G2E3: variants seen among roughly 807,000 people sequenced by gnomAD.
G2E3 encodes the protein G2/M phase-specific E3 ubiquitin-protein ligase.
G2E3 carries 35 observed loss-of-function variants against 92.8 expected under a neutral mutation model. The observed-to-expected ratio is 0.38, with a 90% confidence interval of 0.29 to 0.50. The LOEUF is 0.50. Among genes scored for constraint, G2E3 ranks in the 20% least tolerant of loss-of-function variants. The probability of loss-of-function intolerance (pLI) is 0.94; values close to 1 mark genes in which losing one functional copy is unlikely to be tolerated. For missense variants in G2E3, 554 were observed against 823.8 expected (o/e 0.67, Z 4.01); for synonymous variants, 242 against 272.4 (o/e 0.89, Z 1.10).
At chr14:30,564,757 AT>A (rs1555336537) in intron 1 of G2E3, among the ~76,000 whole-genome samples, 1 of 152,158 alleles carries the variant, frequency 6.6e-6, no homozygotes, top group Non-Finnish European at 1.5e-5. Flanking sequence ...ATTTAATATA[AT>A]GTTTTCAAGG....
intron 2 of G2E3, 98 bp from the exon 3 acceptor site, chr14:30,586,616 CAGAA>C (rs1880725062): frequency 1.6e-5 from 8 of 486,626 alleles, no homozygotes; most frequent in Middle Eastern, 5.6e-4. Flanking sequence ...GATTTGCTCT[CAGAA>C]AGAATTTAAC....
intron 1 of G2E3, among the ~76,000 whole-genome samples, chr14:30,580,250 A>G (rs1324661590): frequency 6.6e-6 from 1 of 152,128 alleles, no homozygotes; most frequent in Non-Finnish European, 1.5e-5. Flanking sequence ...GTTGTTGCCC[A>G]AGCTAGAGTG....
At chr14:30,593,010 A>G (rs1881096959) in intron 5 of G2E3, among the ~76,000 whole-genome samples, 1 of 152,164 alleles carries the variant, frequency 6.6e-6, no homozygotes, top group Admixed American at 6.5e-5. Flanking sequence ...GTTATCATGT[A>G]AGAAAACTAC....
intron 1 of G2E3, among the ~76,000 whole-genome samples, chr14:30,565,006 G>A (rs1309099059): frequency 2.0e-5 from 3 of 152,188 alleles, no homozygotes; most frequent in African/African-American, 7.2e-5. Flanking sequence ...TAGTGGAATT[G>A]CTGGGTGATA....
intron 1 of G2E3, among the ~76,000 whole-genome samples, chr14:30,575,984 C>T (rs1358485318): frequency 6.6e-6 from 1 of 152,162 alleles, no homozygotes; most frequent in African/African-American, 2.4e-5. Flanking sequence ...TGTCAAACTA[C>T]CAACAACATT....
At position 30,566,077 on chromosome 14, in the gene G2E3, G is replaced by C. The variant is rs536301317; in HGVS notation, c.-5+6805G>C. Reference sequence around the variant, plus strand: ...ATTGAAAATTAGTTTACTATAAAACGTGAGTTTATTTATTGACTCTTTCTT... The same window carrying C: ...ATTGAAAATTAGTTTACTATAAAACCTGAGTTTATTTATTGACTCTTTCTT... On this transcript the variant is annotated intron_variant, in intron 1 of 14. Transcript: ENST00000206595. Among the ~76,000 whole-genome samples, 99 of 152,250 alleles carry C rather than the reference G, an allele frequency of 6.5e-4. 1 individual carries two copies. In the Middle Eastern group the frequency reaches 0.014, roughly 21 times the overall value.
intron 1 of G2E3, 170 bp from the exon 2 acceptor site, chr14:30,580,906 T>A: frequency 1.8e-6 from 1 of 567,610 alleles, no homozygotes. Context: ...TCCCGACTCT[T>A]AACACCCCAG....
chr14:30,596,962 A>G (rs185798091), intron 6 of G2E3, among the ~76,000 whole-genome samples: 1 of 152,292 alleles, frequency 6.6e-6, no homozygotes, highest in Non-Finnish European at 1.5e-5. Flanking sequence ...TTGCTATAGC[A>G]ATGAGGATAG....
intron 6 of G2E3, among the ~76,000 whole-genome samples, chr14:30,595,533 A>C (rs1881236841): frequency 6.6e-6 from 1 of 152,240 alleles, no homozygotes; most frequent in African/African-American, 2.4e-5. Flanking sequence ...AAATAATATT[A>C]CTAACAAAAA....
intron 1 of G2E3, among the ~76,000 whole-genome samples, chr14:30,574,842 T>C (rs1287251248): frequency 6.6e-6 from 1 of 152,246 alleles, no homozygotes; most frequent in Non-Finnish European, 1.5e-5. Context: ...GCATTTAGGC[T>C]GATTCCACGT....
chr14:30,591,238 G>T (rs536398613), intron 4 of G2E3, among the ~76,000 whole-genome samples: 1 of 152,250 alleles, frequency 6.6e-6, no homozygotes, highest in Admixed American at 6.5e-5. Flanking sequence ...CCTAGGTGGT[G>T]CTCAAAGGGG....
At chr14:30,584,756 G>GT (rs1244661319) in intron 2 of G2E3, among the ~76,000 whole-genome samples, 5 of 148,464 alleles carry the variant, frequency 3.4e-5, no homozygotes, top group Admixed American at 1.3e-4. Context: ...TGTTATCAGA[G>GT]TTTTTTTAAT....
intron 1 of G2E3, among the ~76,000 whole-genome samples, chr14:30,578,590 G>A (rs558436445): frequency 6.6e-6 from 1 of 152,190 alleles, no homozygotes; most frequent in Non-Finnish European, 1.5e-5. Flanking sequence ...ACTACATTTT[G>A]TGGTGTCTAG....
intron 3 of G2E3, among the ~76,000 whole-genome samples, chr14:30,588,638 G>A (rs1488722260): frequency 3.9e-5 from 6 of 152,202 alleles, no homozygotes; most frequent in East Asian, 3.9e-4. Flanking sequence ...ATGCTAGAGC[G>A]GAAAGAGACT....
In G2E3 at chr14:30,615,261, C is replaced by T. The variant is rs1230010109; in HGVS notation, c.1674-88C>T. Reference sequence around the variant, plus strand: ...TAAAAATCATTAGCTGTTTTGAAAACATGCCAGATAAAATGCTGGAAATAT... The same window carrying T: ...TAAAAATCATTAGCTGTTTTGAAAATATGCCAGATAAAATGCTGGAAATAT... On this transcript the variant is annotated intron_variant, in intron 13 of 14. Transcript: ENST00000206595. 1.9e-5 allele frequency: 12 copies of T among 639,842 alleles called. No homozygotes were observed. The Middle Eastern group carries it at 1.4e-3, about 74-fold the overall frequency. The allele number at this position is 639,842 out of a possible 1,614,324, so 39.6% of individuals were successfully genotyped here.
chr14:30,566,145 A>C (rs560101516), intron 1 of G2E3, among the ~76,000 whole-genome samples: 6 of 152,138 alleles, frequency 3.9e-5, no homozygotes, highest in Non-Finnish European at 7.3e-5. Context: ...CCAGTACCAC[A>C]TTGTCTTGAT....
At position 30,616,641 on chromosome 14, in the gene G2E3, T is replaced by G; in HGVS notation, c.*107T>G. 1.3e-6 allele frequency: 1 copy of G among 799,500 alleles called. No individual in the cohort carries two copies. The allele number at this position is 799,500 out of a possible 1,614,324, so 49.5% of individuals were successfully genotyped here. On this transcript the variant is annotated 3_prime_UTR_variant, in exon 15 of 15. Coordinates refer to ENST00000206595, the MANE Select transcript of G2E3 (RefSeq NM_017769.5). The stretch of plus-strand genomic sequence containing the variant: ...ACTTTGAACAAACTAGTTAGCTTCT[T>G]GACCTAATAAAATTTATGATATGAA...
intron 6 of G2E3, among the ~76,000 whole-genome samples, chr14:30,596,399 C>T (rs1315930586): frequency 1.3e-5 from 2 of 152,144 alleles, no homozygotes; most frequent in Non-Finnish European, 2.9e-5. Flanking sequence ...CTGTCTTTAA[C>T]TTACCTACCT....
chr14:30,608,345 A>G (rs936833333), intron 12 of G2E3, among the ~76,000 whole-genome samples: 2 of 152,228 alleles, frequency 1.3e-5, no homozygotes, highest in African/African-American at 4.8e-5. Flanking sequence ...CTCCTCAGAA[A>G]TACATGGATT....
Sources: allele counts gnomAD v4.1 joint callset (sites outside exome capture counted in the v4.1 genomes callset), GRCh38; gene constraint gnomAD v4.1.1; transcripts MANE v1.5; gene names NCBI Gene and HGNC (gene_info 2026-07-23, HGNC 2026-07-21).